The following NKAIN3 variants were observed in gnomAD, a reference collection of about 807,000 sequenced individuals.
The protein encoded by NKAIN3 is sodium/potassium transporting ATPase interacting 3, also known as sodium/potassium-transporting ATPase subunit beta-1-interacting protein 3.
In NKAIN3, 25 loss-of-function variants were observed where a neutral mutation model predicts 30.2. The ratio of observed to expected loss-of-function variants is 0.83; its 90% confidence interval spans 0.60 to 1.16. NKAIN3 has a LOEUF of 1.16. Ranked by LOEUF, NKAIN3 falls within the 50% of genes most tolerant of loss-of-function variation. The pLI, the probability that NKAIN3 is intolerant of heterozygous loss-of-function variation, is 0.00. For synonymous variants in NKAIN3, 91 were observed against 89.6 expected, an observed-to-expected ratio of 1.02 and a Z score of -0.09; for missense variants, 225 against 254.1, an observed-to-expected ratio of 0.89 and a Z score of 0.78.
At chr8:62,838,129 C>CTGTA (rs1819424857) in intron 4 of NKAIN3, among the ~76,000 whole-genome samples, 2 of 147,636 alleles carry the variant, frequency 1.4e-5, no homozygotes, top group African/African-American at 5.0e-5. Context: ...CAATACCGCT[C>CTGTA]TGTGTGTGTG....
At chr8:62,619,698 T>TAA (rs111630029) in intron 3 of NKAIN3, among the ~76,000 whole-genome samples, 50,272 of 141,568 alleles carry the variant, frequency 0.36, 8,927 homozygotes, top group East Asian at 0.65. Flanking sequence ...TCAAATATTG[T>TAA]AAAAAAAAAA....
intron 1 of NKAIN3, among the ~76,000 whole-genome samples, chr8:62,449,356 A>ATTC (rs1805574899): frequency 6.6e-6 from 1 of 152,068 alleles, no homozygotes; most frequent in Non-Finnish European, 1.5e-5. Context: ...GCTGTATTCC[A>ATTC]TTCTATATCT....
chr8:62,628,644 G>A (rs1025525025), intron 3 of NKAIN3, among the ~76,000 whole-genome samples: 9 of 151,922 alleles, frequency 5.9e-5, no homozygotes, highest in African/African-American at 1.9e-4. Context: ...TTATTTATCT[G>A]TAATCTATAC....
In NKAIN3 at chr8:62,919,196, AG is replaced by A. The variant is rs1433960327; in HGVS notation, c.532+686del. On this transcript the variant is annotated intron_variant, in intron 5 of 6. Transcript: ENST00000623646. ...AGACACTTCTTGGCACAACTCTGTT[AG>A]GGACTCACTTTTTTTTATTTACTTT... Among the ~76,000 whole-genome samples the A allele has an allele frequency of 9.0e-5, 12 of 133,776 alleles. No homozygotes were observed. The Admixed American group carries it at 9.3e-4, about 10-fold the overall frequency. 87.8% of individuals were successfully genotyped at this position (133,776 alleles called of 152,430 possible).
At chr8:62,509,664 C>T (rs145146591) in intron 1 of NKAIN3, among the ~76,000 whole-genome samples, 48 of 152,270 alleles carry the variant, frequency 3.2e-4, no homozygotes, top group African/African-American at 1.2e-3. Context: ...AAAGCTATAT[C>T]TGAAATTGCT....
At chr8:62,539,632 C>A (rs1808776553) in intron 1 of NKAIN3, among the ~76,000 whole-genome samples, 1 of 152,128 alleles carries the variant, frequency 6.6e-6, no homozygotes. Flanking sequence ...CTCTGTCATC[C>A]AGGCTGGAGT....
At chr8:62,676,790 T>C (rs1474982480) in intron 3 of NKAIN3, among the ~76,000 whole-genome samples, 1 of 151,202 alleles carries the variant, frequency 6.6e-6, no homozygotes, top group Non-Finnish European at 1.5e-5. Context: ...CATGGCTCAC[T>C]GTAGCCTCCG....
intron 1 of NKAIN3, among the ~76,000 whole-genome samples, chr8:62,389,267 G>A (rs1817517713): frequency 6.6e-6 from 1 of 152,126 alleles, no homozygotes; most frequent in Admixed American, 6.6e-5. Flanking sequence ...ATGTATACAT[G>A]GTGGAATGAT....
At chr8:62,387,516 A>C (rs1167141405) in intron 1 of NKAIN3, among the ~76,000 whole-genome samples, 1 of 152,218 alleles carries the variant, frequency 6.6e-6, no homozygotes, top group Non-Finnish European at 1.5e-5. Context: ...GCTTACATTC[A>C]GAAAGGACCC....
intron 1 of NKAIN3, among the ~76,000 whole-genome samples, chr8:62,284,557 T>C (rs1585632592): frequency 6.6e-6 from 1 of 151,740 alleles, no homozygotes; most frequent in Non-Finnish European, 1.5e-5. Flanking sequence ...ACCTTGGAGG[T>C]AGGTGGAGGT....
At chr8:62,377,509 A>G (rs1404351627) in intron 1 of NKAIN3, among the ~76,000 whole-genome samples, 1 of 152,214 alleles carries the variant, frequency 6.6e-6, no homozygotes, top group African/African-American at 2.4e-5. Flanking sequence ...TGTGGAGTAG[A>G]AAATAACGAA....
At chr8:62,996,081 T>C (rs1428331949) in intron 5 of NKAIN3, among the ~76,000 whole-genome samples, 2 of 152,208 alleles carry the variant, frequency 1.3e-5, no homozygotes, top group East Asian at 3.9e-4. Context: ...ATAAAAGTGA[T>C]GTAAAATTGC....
intron 4 of NKAIN3, among the ~76,000 whole-genome samples, chr8:62,915,682 G>A (rs1822075523): frequency 2.0e-5 from 3 of 151,980 alleles, no homozygotes; most frequent in African/African-American, 7.2e-5. Flanking sequence ...ACACCCCTAA[G>A]GGAGAACCCA....
At chr8:62,254,196 G>A (rs1410568335) in intron 1 of NKAIN3, among the ~76,000 whole-genome samples, 1 of 138,358 alleles carries the variant, frequency 7.2e-6, no homozygotes. Flanking sequence ...GTGTGTGTGT[G>A]TGTGTAGGTC....
At chr8:62,809,526 C>G (rs749214405) in intron 4 of NKAIN3, among the ~76,000 whole-genome samples, 13 of 152,160 alleles carry the variant, frequency 8.5e-5, no homozygotes, top group Non-Finnish European at 1.8e-4. Flanking sequence ...TCCCTGACTT[C>G]CCTCAACAAT....
intron 1 of NKAIN3, among the ~76,000 whole-genome samples, chr8:62,281,811 A>C (rs1246290302): frequency 2.0e-5 from 3 of 152,122 alleles, no homozygotes. Flanking sequence ...GTGTGAGTTC[A>C]CATTTTCTTT....
intron 4 of NKAIN3, among the ~76,000 whole-genome samples, chr8:62,793,941 C>G (rs1817772225): frequency 6.6e-6 from 1 of 152,142 alleles, no homozygotes; most frequent in African/African-American, 2.4e-5. Flanking sequence ...GAAAGATGCC[C>G]TGTTTTATTA....
At chr8:62,522,795 C>T (rs190819051) in intron 1 of NKAIN3, among the ~76,000 whole-genome samples, 271 of 151,992 alleles carry the variant, frequency 1.8e-3, no homozygotes, top group Non-Finnish European at 3.0e-3. Context: ...TATTCTTTTA[C>T]AGCTGTAAAG....
At chr8:62,325,427 G>C (rs577350362) in intron 1 of NKAIN3, among the ~76,000 whole-genome samples, 1 of 152,054 alleles carries the variant, frequency 6.6e-6, no homozygotes, top group Non-Finnish European at 1.5e-5. Context: ...ATTGTGAATT[G>C]TGCTGCTATA....
Sources: gnomAD v4.1 joint callset for allele counts (sites outside exome capture counted in the v4.1 genomes callset) on GRCh38, gnomAD v4.1.1 for gene constraint, MANE v1.5 for transcripts, NCBI Gene and HGNC (gene_info 2026-07-23, HGNC 2026-07-21) for gene names.